SNTG1: variants seen among roughly 807,000 people sequenced by gnomAD.
SNTG1 encodes gamma-1-syntrophin.
In SNTG1, 39 loss-of-function variants were observed where a neutral mutation model predicts 74.7. That is an observed-to-expected ratio of 0.52 (90% CI 0.40 to 0.68). The LOEUF is 0.68. Ranked by LOEUF, SNTG1 falls within the 30% of genes least tolerant of loss-of-function variation. The probability of loss-of-function intolerance (pLI) is 0.00; values close to 1 mark genes in which losing one functional copy is unlikely to be tolerated. For synonymous variants in SNTG1, 254 were observed against 217.1 expected, an observed-to-expected ratio of 1.17 and a Z score of -1.49; for missense variants, 685 against 609.5, an observed-to-expected ratio of 1.12 and a Z score of -1.30.
intron 1 of SNTG1, among the ~76,000 whole-genome samples, chr8:50,153,367 A>C (rs549171392): frequency 6.2e-4 from 95 of 152,214 alleles, no homozygotes; most frequent in African/African-American, 2.2e-3. Context: ...CCGTTAGCTC[A>C]GAGAAGTTTG....
chr8:50,221,936 A>C (rs554040670), intron 2 of SNTG1, among the ~76,000 whole-genome samples: 141 of 152,288 alleles, frequency 9.3e-4, no homozygotes, highest in African/African-American at 3.3e-3. Context: ...CCAGAAATTC[A>C]GAAGCTAGGG....
At chr8:50,534,333 G>A (rs961463686) in intron 10 of SNTG1, among the ~76,000 whole-genome samples, 3 of 152,112 alleles carry the variant, frequency 2.0e-5, no homozygotes, top group Non-Finnish European at 1.5e-5. Context: ...CGAGGACCTT[G>A]CTTTGTGCAG....
intron 1 of SNTG1, among the ~76,000 whole-genome samples, chr8:50,160,464 T>G (rs1429969239): frequency 6.6e-6 from 1 of 152,214 alleles, no homozygotes; most frequent in Admixed American, 6.5e-5. Context: ...TCATATGGAT[T>G]GCTTAAGATT....
chr8:50,510,969 G>A (rs957673854), intron 9 of SNTG1, among the ~76,000 whole-genome samples: 17 of 152,102 alleles, frequency 1.1e-4, no homozygotes, highest in Non-Finnish European at 2.1e-4. Context: ...TATTGAATGT[G>A]TTTTCTCTGG....
intron 18 of SNTG1, among the ~76,000 whole-genome samples, chr8:50,766,726 A>T (rs2095614819): frequency 1.3e-5 from 2 of 151,936 alleles, no homozygotes; most frequent in Non-Finnish European, 2.9e-5. Context: ...TTGTTTACAG[A>T]AACTTATTGG....
At chr8:50,347,507 A>G (rs910986579) in intron 2 of SNTG1, among the ~76,000 whole-genome samples, 3 of 152,248 alleles carry the variant, frequency 2.0e-5, no homozygotes, top group Non-Finnish European at 4.4e-5. Context: ...CTAACACAGT[A>G]TCTATTCCGC....
At chr8:50,723,430 G>A (rs1348240718) in intron 17 of SNTG1, among the ~76,000 whole-genome samples, 1 of 152,086 alleles carries the variant, frequency 6.6e-6, no homozygotes, top group African/African-American at 2.4e-5. Context: ...AGACCATTGG[G>A]CTTGCACAGT....
At chr8:50,095,353 G>C (rs180796195) in intron 1 of SNTG1, among the ~76,000 whole-genome samples, 1 of 152,166 alleles carries the variant, frequency 6.6e-6, no homozygotes, top group South Asian at 2.1e-4. Context: ...TTTAAGGACT[G>C]AAACCTTTCT....
At chr8:50,301,467 C>A (rs971966593) in intron 2 of SNTG1, among the ~76,000 whole-genome samples, 16 of 152,044 alleles carry the variant, frequency 1.1e-4, no homozygotes, top group African/African-American at 3.9e-4. Flanking sequence ...AATTTATCAT[C>A]ATCATACTGT....
intron 2 of SNTG1, among the ~76,000 whole-genome samples, chr8:50,229,452 G>T (rs185914482): frequency 6.6e-6 from 1 of 151,324 alleles, no homozygotes; most frequent in Non-Finnish European, 1.5e-5. Flanking sequence ...AAAAGACTGG[G>T]TTAGCTATAT....
intron 4 of SNTG1, among the ~76,000 whole-genome samples, chr8:50,429,883 G>A (rs999813173): frequency 9.0e-4 from 137 of 151,996 alleles, no homozygotes; most frequent in African/African-American, 3.3e-3. Context: ...GTGCCATCAG[G>A]GAAATTTACA....
intron 8 of SNTG1, chr8:50,491,112 C>T (rs1056685458): frequency 2.6e-5 from 4 of 152,408 alleles, no homozygotes; most frequent in African/African-American, 9.6e-5. Flanking sequence ...CAGGGCCCTT[C>T]CTGCCCCGCT....
chr8:50,523,736 G>A lies in SNTG1; in HGVS notation c.467-6441G>A, dbSNP rs2094198571. ...AATAATGAAAAAGTTGAAATACTGT[G>A]GGAATTACCAAAATGTGATGCAGAG... On this transcript the variant is annotated intron_variant, in intron 9 of 18. Coordinates refer to ENST00000642720, the MANE Select transcript of SNTG1 (RefSeq NM_018967.5). Among the ~76,000 whole-genome samples, 6 of 152,084 alleles carry A rather than the reference G, an allele frequency of 3.9e-5. No individual in the cohort carries two copies. In the South Asian group the frequency reaches 1.2e-3, roughly 32 times the overall value.
At chr8:50,327,323 C>T (rs1224086612) in intron 2 of SNTG1, among the ~76,000 whole-genome samples, 1 of 152,060 alleles carries the variant, frequency 6.6e-6, no homozygotes, top group Non-Finnish European at 1.5e-5. Context: ...ATCCATTTTG[C>T]CTTACATATT....
intron 15 of SNTG1, among the ~76,000 whole-genome samples, chr8:50,671,012 C>A (rs1159522905): frequency 6.6e-6 from 1 of 150,376 alleles, no homozygotes; most frequent in Non-Finnish European, 1.5e-5. Context: ...GAAACTGGAT[C>A]CCTTCCTTAC....
At chr8:50,360,734 A>C (rs2091933565) in intron 2 of SNTG1, among the ~76,000 whole-genome samples, 1 of 152,208 alleles carries the variant, frequency 6.6e-6, no homozygotes, top group South Asian at 2.1e-4. Context: ...TAAACATGGA[A>C]AAGGTACAGT....
intron 2 of SNTG1, among the ~76,000 whole-genome samples, chr8:50,346,799 C>T (rs537772899): frequency 4.6e-5 from 7 of 152,318 alleles, no homozygotes; most frequent in African/African-American, 1.7e-4. Context: ...TACAACATTC[C>T]CTTAAGCCAA....
chr8:50,011,381 T>G (rs956924658), intron 1 of SNTG1, among the ~76,000 whole-genome samples: 1 of 152,200 alleles, frequency 6.6e-6, no homozygotes, highest in African/African-American at 2.4e-5. Flanking sequence ...GTTAGCCCAA[T>G]GCAGGGAGGT....
chr8:50,502,992 T>C, intron 9 of SNTG1, 112 bp downstream of exon 9: 1 of 782,936 alleles, frequency 1.3e-6, no homozygotes, highest in Non-Finnish European at 2.0e-6. Context: ...TGCCTGACTG[T>C]AAACATTTTT....
Sources: gnomAD v4.1 joint callset for allele counts (sites outside exome capture counted in the v4.1 genomes callset) on GRCh38, gnomAD v4.1.1 for gene constraint, MANE v1.5 for transcripts, NCBI Gene and HGNC (gene_info 2026-07-23, HGNC 2026-07-21) for gene names.